XRCC5: variants seen among roughly 807,000 people sequenced by gnomAD.
The protein encoded by XRCC5 is DNA repair protein Ku80.
A neutral mutation model predicts 95.7 loss-of-function variants in XRCC5; 12 were observed. The observed-to-expected ratio is 0.13, with a 90% CI of 0.08 to 0.20. The LOEUF is 0.20. XRCC5 is among the 10% of genes least tolerant of loss of function. The probability of loss-of-function intolerance (pLI) is 1.00; values close to 1 mark genes in which losing one functional copy is unlikely to be tolerated. For missense variants in XRCC5, 595 were observed against 873.9 expected, an observed-to-expected ratio of 0.68 and a Z score of 4.02; for synonymous variants, 281 against 290.3, an observed-to-expected ratio of 0.97 and a Z score of 0.33.
intron 13 of XRCC5, among the ~76,000 whole-genome samples, chr2:216,144,398 C>T (rs1201084496): frequency 6.6e-6 from 1 of 152,136 alleles, no homozygotes; most frequent in Non-Finnish European, 1.5e-5. Flanking sequence ...TTGGATTTTA[C>T]AGCAGTGGGT....
intron 14 of XRCC5, among the ~76,000 whole-genome samples, chr2:216,155,689 A>T (rs552142711): frequency 4.3e-4 from 65 of 152,330 alleles, no homozygotes; most frequent in African/African-American, 1.5e-3. Flanking sequence ...ACTGAAGGAA[A>T]ATTAAGAAAA....
intron 14 of XRCC5, 94 bp from the exon 15 acceptor site, chr2:216,159,974 C>T (rs369954667): frequency 8.3e-5 from 40 of 482,226 alleles, no homozygotes; most frequent in South Asian, 6.9e-4. Flanking sequence ...CTTCTTTTTT[C>T]TTTTTTTTTT....
In XRCC5 at chr2:216,142,105, C is replaced by G. The variant is rs997177455; in HGVS notation, c.1476+786C>G. 5.3e-5 allele frequency among the ~76,000 whole-genome samples: 8 copies of G among 152,032 alleles called. No individual in the cohort carries two copies. In the East Asian group the frequency reaches 1.5e-3, roughly 29 times the overall value. ...TAGGCTGGTCTTTAACTCCTAGGCT[C>G]AAGCATTCTGAGTAGATGGGACTCC... On this transcript the variant is annotated intron_variant, in intron 13 of 20. Transcript: ENST00000392132.
intron 20 of XRCC5, among the ~76,000 whole-genome samples, 183 bp from the exon 21 acceptor site, chr2:216,205,005 C>A (rs780868372): frequency 4.6e-5 from 7 of 152,148 alleles, no homozygotes; most frequent in African/African-American, 7.2e-5. Context: ...TAGAGACATT[C>A]TCATTACTAA....
intron 12 of XRCC5, among the ~76,000 whole-genome samples, chr2:216,139,535 A>G (rs970274432): frequency 6.6e-6 from 1 of 152,200 alleles, no homozygotes; most frequent in Non-Finnish European, 1.5e-5. Context: ...GGTCTCTCCC[A>G]CAACATGTGG....
intron 8 of XRCC5, chr2:216,127,882 TC>T: frequency 2.9e-6 from 1 of 343,752 alleles, no homozygotes; most frequent in South Asian, 6.1e-5. Context: ...ACTTGGGTGT[TC>T]CATCTCTGTG....
At position 216,201,600 on chromosome 2, in the gene XRCC5, G is replaced by A. The variant is rs1689834543; in HGVS notation, c.2110-2722G>A. Reference sequence around the variant, plus strand: ...AACCCCAGGTAAGTGATGGTGGTTTGAGGAAGAAGGAATATGTCACTCACA... The same window carrying A: ...AACCCCAGGTAAGTGATGGTGGTTTAAGGAAGAAGGAATATGTCACTCACA... On this transcript the variant is annotated intron_variant, in intron 19 of 20. Transcript: ENST00000392132. Among the ~76,000 whole-genome samples, 3 of 152,268 alleles carry A rather than the reference G, an allele frequency of 2.0e-5. No individual in the cohort carries two copies. The Middle Eastern group carries it at 0.01, about 518-fold the overall frequency.
intron 14 of XRCC5, among the ~76,000 whole-genome samples, chr2:216,150,974 T>C (rs1200953782): frequency 6.6e-6 from 1 of 152,208 alleles, no homozygotes; most frequent in Admixed American, 6.5e-5. Context: ...ATAAGAATTT[T>C]TCAGTTTCAT....
At chr2:216,119,591 G>C (rs147338976) in intron 5 of XRCC5, among the ~76,000 whole-genome samples, 37 of 152,204 alleles carry the variant, frequency 2.4e-4, no homozygotes, top group African/African-American at 8.7e-4. Flanking sequence ...TTTTAGGGTA[G>C]ACAGGAATGC....
At chr2:216,129,754 A>C (rs909365448) in intron 8 of XRCC5, among the ~76,000 whole-genome samples, 2 of 152,032 alleles carry the variant, frequency 1.3e-5, no homozygotes, top group Middle Eastern at 3.2e-3. Flanking sequence ...GCTCACTGCA[A>C]CCTCCACCTC....
chr2:216,192,572 C>A, intron 17 of XRCC5, 67 bp from the exon 18 acceptor site: 2 of 1,116,436 alleles, frequency 1.8e-6, no homozygotes, highest in South Asian at 3.3e-5. Flanking sequence ...TTTGTTTGGT[C>A]TGGGGTGAAT....
chr2:216,162,127 C>T lies in XRCC5; in HGVS notation c.1834+79C>T. 3 of 1,363,744 alleles carry T rather than the reference C, an allele frequency of 2.2e-6. No homozygotes were observed. In the East Asian group the frequency reaches 6.9e-5, roughly 31 times the overall value. The allele number at this position is 1,363,744 out of a possible 1,614,324, so 84.5% of individuals were successfully genotyped here. A position where few individuals can be genotyped will look rare whatever the true frequency, so the allele number is the denominator to read the frequency against. On this transcript the variant is annotated intron_variant, in intron 16 of 20. Coordinates refer to ENST00000392132, the MANE Select transcript of XRCC5 (RefSeq NM_021141.4). ...TAAAGTCTAGATTAAGAACTGTAGC[C>T]TTTTGTTGTAACACTTTAGCATTTT... is the stretch of plus-strand genomic sequence containing the variant.
chr2:216,148,634 T>G (rs1688682318), intron 14 of XRCC5, among the ~76,000 whole-genome samples: 1 of 152,116 alleles, frequency 6.6e-6, no homozygotes, highest in African/African-American at 2.4e-5. Context: ...GTGTTGAAGA[T>G]CATAGGTTTT....
rs895535107 is a variant in XRCC5 at position 216,137,165 on chromosome 2, T to C, written c.1191T>C (p.Tyr397=). ...TGGTGGCCATAGTTCGATATGCTTA[T>C]GACAAAAGAGCTAATCCTCAAGTCG... ...LDMVAIVRYA[Y]DKRANPQVGV... The change falls in exon 11 of 21, where the codon TAT becomes TAC. Residue 397 remains tyrosine (Y), a synonymous_variant. Coordinates refer to ENST00000392132, the MANE Select transcript of XRCC5 (RefSeq NM_021141.4). 7 of 1,614,022 alleles carry C rather than the reference T, an allele frequency of 4.3e-6. No individual in the cohort carries two copies. The highest frequency in any genetic ancestry group is 5.1e-6 in the Non-Finnish European group (6 of 1,179,920).
At position 216,157,227 on chromosome 2, in the gene XRCC5, TG is replaced by T. The variant is rs1434322604; in HGVS notation, c.1671-2840del. Among the ~76,000 whole-genome samples, 74 of 104,776 alleles carry T rather than the reference TG, an allele frequency of 7.1e-4. No individual in the cohort carries two copies. The South Asian group carries it at 0.026, about 37-fold the overall frequency. The allele number at this position is 104,776 out of a possible 152,430, so 68.7% of individuals were successfully genotyped here. On this transcript the variant is annotated intron_variant, in intron 14 of 20. Coordinates refer to ENST00000392132, the MANE Select transcript of XRCC5 (RefSeq NM_021141.4). ...CAATACAACTATTTTCTTTTTTTTT[TG>T]TTTTTTTTTTGTTGTTGTTTTTTGA...
chr2:216,187,601 A>C (rs759887271), intron 16 of XRCC5, among the ~76,000 whole-genome samples: 1 of 150,688 alleles, frequency 6.6e-6, no homozygotes, highest in African/African-American at 2.4e-5. Flanking sequence ...TCGCAAAGCA[A>C]TTTAGTACCT....
At chr2:216,140,879 A>G (rs1343266833) in intron 12 of XRCC5, among the ~76,000 whole-genome samples, 2 of 152,288 alleles carry the variant, frequency 1.3e-5, no homozygotes, top group South Asian at 4.2e-4. Flanking sequence ...GTCTCCTTAT[A>G]GGGATTGGTT....
chr2:216,159,507 T>C (rs1166456051), intron 14 of XRCC5, among the ~76,000 whole-genome samples: 1 of 152,138 alleles, frequency 6.6e-6, no homozygotes, highest in African/African-American at 2.4e-5. Flanking sequence ...TTTTTTTTTA[T>C]AGTTTACGAC....
chr2:216,188,809 A>G (rs906454719), intron 16 of XRCC5, among the ~76,000 whole-genome samples: 1 of 152,280 alleles, frequency 6.6e-6, no homozygotes, highest in African/African-American at 2.4e-5. Context: ...TTCTCTCTCT[A>G]TTTTGAATTG....
Sources: allele counts gnomAD v4.1 joint callset (sites outside exome capture counted in the v4.1 genomes callset), GRCh38; gene constraint gnomAD v4.1.1; transcripts MANE v1.5; gene names NCBI Gene and HGNC (gene_info 2026-07-23, HGNC 2026-07-21).